The following CAD variants were observed in gnomAD, a reference collection of about 807,000 sequenced individuals.
CAD encodes carbamoyl-phosphate synthetase 2, aspartate transcarbamylase, and dihydroorotase.
A neutral mutation model predicts 237.2 loss-of-function variants in CAD; 81 were observed. The observed-to-expected ratio is 0.34, with a 90% CI of 0.29 to 0.41. The LOEUF (loss-of-function observed/expected upper bound fraction) is 0.41. Ranked by LOEUF, CAD falls within the 10% of genes least tolerant of loss-of-function variation. The pLI, the probability that CAD is intolerant of heterozygous loss-of-function variation, is 1.00. For synonymous variants in CAD, 1,196 were observed against 1,162.8 expected (o/e 1.03, Z -0.58); for missense variants, 2,181 against 2,951.7 (o/e 0.74, Z 6.05).
chr2:27,218,723 T>C (rs1010574756), intron 2 of CAD, among the ~76,000 whole-genome samples: 1 of 152,174 alleles, frequency 6.6e-6, no homozygotes, highest in African/African-American at 2.4e-5. Flanking sequence ...CCTCTGAAAT[T>C]TGGAAACTAA....
chr2:27,225,546 T>TCC (rs1241161306), intron 11 of CAD, among the ~76,000 whole-genome samples, 159 bp from the exon 12 acceptor site: 1 of 119,298 alleles, frequency 8.4e-6, no homozygotes, highest in African/African-American at 4.3e-5. Flanking sequence ...CCTCAGGTGA[T>TCC]CCACCCCCCC....
chr2:27,226,789 C>T, intron 14 of CAD, 43 bp from the exon 15 acceptor site: 2 of 1,611,666 alleles, frequency 1.2e-6, no homozygotes, highest in South Asian at 2.2e-5. Context: ...ACCCTTTATG[C>T]TTCCTTCACT....
chr2:27,231,927 G>T, intron 16 of CAD, 53 bp from the exon 17 acceptor site: 1 of 1,609,402 alleles, frequency 6.2e-7, no homozygotes, highest in Non-Finnish European at 8.5e-7. Context: ...CTTACGCTCA[G>T]GCTTTTAGAT....
At position 27,224,528 on chromosome 2, in the gene CAD, C is replaced by A. The variant is rs746631155; in HGVS notation, c.1254+38C>A. On this transcript the variant is annotated intron_variant, in intron 9 of 43. Coordinates refer to ENST00000264705, the MANE Select transcript of CAD (RefSeq NM_004341.5). ...CCTCCCCACCCTTCTGGGCGTGTGA[C>A]CCTCAAGAATGGAAAGGGTCTTAAG... 5 of 1,603,966 alleles carry A rather than the reference C, an allele frequency of 3.1e-6. No individual in the cohort carries two copies. The South Asian group carries it at 4.4e-5, about 14-fold the overall frequency.
chr2:27,226,021 C>T, intron 12 of CAD, 95 bp downstream of exon 12: 1 of 1,484,278 alleles, frequency 6.7e-7, no homozygotes, highest in Non-Finnish European at 9.4e-7. Context: ...GTTGTATGTC[C>T]CTCAGACCCA....
chr2:27,222,725 T>G (rs1421045830), intron 5 of CAD, 65 bp downstream of exon 5: 1 of 1,593,496 alleles, frequency 6.3e-7, no homozygotes, highest in Non-Finnish European at 8.6e-7. Flanking sequence ...TATCCCTTGG[T>G]CCAATTGCTA....
chr2:27,217,795 G>C, intron 1 of CAD, 82 bp from the exon 2 acceptor site: 8 of 1,496,058 alleles, frequency 5.3e-6, no homozygotes, highest in Non-Finnish European at 6.3e-6. Context: ...GACCAAGGCA[G>C]CCTCCACTGG....
intron 2 of CAD, among the ~76,000 whole-genome samples, chr2:27,220,732 C>T (rs924926642): frequency 6.6e-6 from 1 of 151,148 alleles, no homozygotes; most frequent in African/African-American, 2.4e-5. Flanking sequence ...CTGAGGTGGG[C>T]AGATCACAAG....
rs1676238769 is a variant in CAD at position 27,240,206 on chromosome 2, G to A, written c.5497-59G>A. The A allele has an allele frequency of 9.0e-6, 12 of 1,335,484 alleles. No individual in the cohort carries two copies. The highest frequency in any genetic ancestry group is 2.0e-4 in the Middle Eastern group (1 of 5,122). The allele number at this position is 1,335,484 out of a possible 1,614,324, so 82.7% of individuals were successfully genotyped here. ...TGCACTCCAGCCTGAGCGACAGAAC[G>A]AGACTCCGTCTCAAAAGAAAAAAAA... On this transcript the variant is annotated intron_variant, in intron 34 of 43. Coordinates refer to ENST00000264705, the MANE Select transcript of CAD (RefSeq NM_004341.5). This position sits in a 1 kb window ranked among gnomAD's most constrained non-coding sequence, Gnocchi z 4.6.
Position 27,240,964 on chromosome 2 carries a change from C to T in CAD, c.5638+9C>T. The T allele has an allele frequency of 6.2e-7, 1 of 1,614,054 alleles. No homozygotes were observed. The highest frequency in any genetic ancestry group is 1.1e-5 in the South Asian group (1 of 91,064). On this transcript the variant is annotated intron_variant, in intron 36 of 43. Coordinates refer to ENST00000264705, the MANE Select transcript of CAD (RefSeq NM_004341.5). The surrounding 1 kb of genome is among the most constrained non-coding windows in gnomAD (Gnocchi z 4.6). Reference sequence around the variant, plus strand: ...GAAGGTAGCCGAGCCAGGTGAGACTCCACCCTGACACACACTCACCTCGGG... The same window carrying T: ...GAAGGTAGCCGAGCCAGGTGAGACTTCACCCTGACACACACTCACCTCGGG...
chr2:27,235,169 A>T lies in CAD; in HGVS notation c.3787-76A>T, dbSNP rs2148081534. The T allele has an allele frequency of 7.6e-7, 1 of 1,319,492 alleles. No individual in the cohort carries two copies. The highest frequency in any genetic ancestry group is 1.1e-6 in the Non-Finnish European group (1 of 952,172). 81.7% of individuals were successfully genotyped at this position (1,319,492 alleles called of 1,614,324 possible). A position where few individuals can be genotyped will look rare whatever the true frequency, so the allele number is the denominator to read the frequency against. On this transcript the variant is annotated intron_variant, in intron 23 of 43. Transcript: ENST00000264705. The surrounding 1 kb of genome is among the most constrained non-coding windows in gnomAD (Gnocchi z 5.2). ...ATTCAGATGGGATCAAGCACAGGGT[A>T]CTGTGTCCGTCTCTGCTGGTGAGGG...
Position 27,237,913 on chromosome 2 carries a change from C to G in CAD, c.4728+31C>G. The G allele has an allele frequency of 6.3e-7, 1 of 1,583,906 alleles. No individual in the cohort carries two copies. The highest frequency in any genetic ancestry group is 8.6e-7 in the Non-Finnish European group (1 of 1,162,002). ...GAGTGTGCATGTGGCAGGAGGCCAC[C>G]ACCCAGTGTCTCCTGGCTTGTGGGC... On this transcript the variant is annotated intron_variant, in intron 29 of 43. Transcript: ENST00000264705. The surrounding 1 kb of genome is among the most constrained non-coding windows in gnomAD (Gnocchi z 4.0).
At chr2:27,243,076 C>T (rs1222858244) in intron 42 of CAD, 103 bp downstream of exon 42, 1 of 1,328,366 alleles carries the variant, frequency 7.5e-7, no homozygotes, top group Non-Finnish European at 1.1e-6. Context: ...TGTTAAACTT[C>T]ACATCTGTCA....
Position 27,233,587 on chromosome 2 carries a change from A to C in CAD, c.3217-39A>C, listed in dbSNP as rs1238973416. On this transcript the variant is annotated intron_variant, in intron 20 of 43. Transcript: ENST00000264705. This position sits in a 1 kb window ranked among gnomAD's most constrained non-coding sequence, Gnocchi z 6.3. ...CGGAGGCTGGATGATGCTTGGGGGA[A>C]AGTGTGAACAACTCAGCTAAGCTCC... is the stretch of plus-strand genomic sequence containing the variant. 1.9e-6 allele frequency: 3 copies of C among 1,613,712 alleles called. No individual in the cohort carries two copies. The Admixed American group carries it at 5.0e-5, about 27-fold the overall frequency.
Position 27,224,366 on chromosome 2 carries a change from G to A in CAD, c.1130G>A (p.Arg377His), listed in dbSNP as rs761642796. 7.7e-5 allele frequency: 125 copies of A among 1,614,036 alleles called. No homozygotes were observed. Among genetic ancestry groups the A allele is most frequent in the Middle Eastern group, 1.6e-4 (1 of 6,082 alleles). ...ACAGTTAGAGAGCGGCTGACTGAGC[G>A]CCTCTGTCCCCCTGGGATTCCCACT... ...GQTVRERLTE[R>H]LCPPGIPTPG... The change falls in exon 9 of 44, where the codon CGC becomes CAC. Residue 377 changes from arginine to histidine, a missense_variant. Arg to His is a conservative substitution (Grantham distance 29). Coordinates refer to ENST00000264705, the MANE Select transcript of CAD (RefSeq NM_004341.5).
chr2:27,235,492 G>A lies in CAD; in HGVS notation c.3970-44G>A, dbSNP rs1391713375. The A allele has an allele frequency of 6.2e-7, 1 of 1,612,176 alleles. No homozygotes were observed. The highest frequency in any genetic ancestry group is 1.1e-5 in the South Asian group (1 of 90,954). On this transcript the variant is annotated intron_variant, in intron 24 of 43. Transcript: ENST00000264705. The surrounding 1 kb of genome is among the most constrained non-coding windows in gnomAD (Gnocchi z 5.2). ...CCTGGGCCAGGGCTGACCTTGAAAT[G>A]GAAGACAGGAAGAAAACAATTTCAT...
chr2:27,242,653 A>G lies in CAD; in HGVS notation c.6256A>G (p.Thr2086Ala). Residue 2086 changes from threonine (T) to alanine (A), a missense_variant, in exon 41 of 44, where the codon ACA becomes GCA. By Grantham distance (58) the Thr-to-Ala change is moderately conservative (BLOSUM62 0). Around this residue, in one of 12 missense-constraint regions of CAD, gnomAD observed 170 missense variants for 212.1 expected, o/e 0.80. Transcript: ENST00000264705. This position sits in a 1 kb window ranked among gnomAD's most constrained non-coding sequence, Gnocchi z 6.4. ...TMVGDLKHGR[T>A]VHSLACLLTQ... is the part of the protein sequence containing the mutation. ...GGTGGGTGACCTGAAGCACGGACGCACAGTACATTCCCTGGCCTGCCTGCT... is the reference window on the plus strand; with the variant it reads ...GGTGGGTGACCTGAAGCACGGACGCGCAGTACATTCCCTGGCCTGCCTGCT... 6.2e-7 allele frequency: 1 copy of G among 1,610,700 alleles called. No individual in the cohort carries two copies. Among genetic ancestry groups the G allele is most frequent in the African/African-American group, 1.3e-5 (1 of 74,986 alleles).
In CAD at chr2:27,239,444, A is replaced by AGGGGAGGTTGCCTATATCGAT. The variant is rs1386744038; in HGVS notation, c.5371_5391dup (p.Glu1791_Gly1797dup). 4.6e-5 allele frequency: 74 copies of AGGGGAGGTTGCCTATATCGAT among 1,614,026 alleles called. No homozygotes were observed. The highest frequency in any genetic ancestry group is 6.1e-5 in the Non-Finnish European group (72 of 1,179,966). ...GCACCGTCCGCCGTGTGGTCCTGCG[A>AGGGGAGGTTGCCTATATCGAT]GGGGAGGTTGCCTATATCGATGGGC... On this transcript the variant is annotated inframe_insertion, in exon 33 of 44. Coordinates refer to ENST00000264705, the MANE Select transcript of CAD (RefSeq NM_004341.5). This position sits in a 1 kb window ranked among gnomAD's most constrained non-coding sequence, Gnocchi z 4.0.
In CAD at chr2:27,218,085, G is replaced by C. The variant is rs41288815; in HGVS notation, c.222+69G>C. On this transcript the variant is annotated intron_variant, in intron 2 of 43. Coordinates refer to ENST00000264705, the MANE Select transcript of CAD (RefSeq NM_004341.5). ...TAATTGTTAACTATTAGTGAAGTAG[G>C]AGACGTTGACACCCTGCTGGGCATC... 9.5e-3 allele frequency: 13,345 copies of C among 1,410,948 alleles called. 107 individuals carry two copies. The highest frequency in any genetic ancestry group is 0.01 in the Non-Finnish European group (10,683 of 1,042,822). 87.4% of individuals were successfully genotyped at this position (1,410,948 alleles called of 1,614,324 possible).
Sources: gnomAD v4.1 joint callset for allele counts (sites outside exome capture counted in the v4.1 genomes callset) on GRCh38, gnomAD v4.1.1 for gene constraint, gnomAD v4.1.1 regional missense constraint, Gnocchi (gnomAD v3.1) non-coding constraint, MANE v1.5 for transcripts, NCBI Gene and HGNC (gene_info 2026-07-23, HGNC 2026-07-21) for gene names.